The following RIMS1 variants were observed in gnomAD, a reference collection of about 807,000 sequenced individuals.
RIMS1 encodes the protein regulating synaptic membrane exocytosis protein 1.
Under a neutral mutation model 214.1 loss-of-function variants are expected in RIMS1, and 83 were observed. That is an observed-to-expected ratio of 0.39 (90% confidence interval 0.32 to 0.47). The LOEUF is 0.47. Among genes scored for constraint, RIMS1 ranks in the 20% least tolerant of loss-of-function variants. The probability of loss-of-function intolerance (pLI) is 0.99; values close to 1 mark genes in which losing one functional copy is unlikely to be tolerated. For missense variants in RIMS1, 2,050 were observed against 2,161.8 expected (o/e 0.95, Z 1.03); for synonymous variants, 793 against 786.8 (o/e 1.01, Z -0.13).
At chr6:72,390,428 A>G (rs1033045580) in intron 29 of RIMS1, among the ~76,000 whole-genome samples, 170 bp from the exon 30 acceptor site, 19 of 152,236 alleles carry the variant, frequency 1.2e-4, no homozygotes, top group African/African-American at 4.1e-4. Flanking sequence ...TTAGCCAAGC[A>G]TACTTTGGCA....
At chr6:72,226,847 A>G (rs2060345566) in intron 6 of RIMS1, among the ~76,000 whole-genome samples, 1 of 152,076 alleles carries the variant, frequency 6.6e-6, no homozygotes, top group South Asian at 2.1e-4. Context: ...CTCTAACACC[A>G]CGATTTCATA....
intron 1 of RIMS1, among the ~76,000 whole-genome samples, chr6:71,938,656 G>A (rs1164327293): frequency 1.3e-5 from 2 of 152,136 alleles, no homozygotes; most frequent in African/African-American, 4.8e-5. Flanking sequence ...GCTCTGGGGA[G>A]TGAACATGGT....
At chr6:72,305,665 T>C (rs2154279960) in intron 26 of RIMS1, among the ~76,000 whole-genome samples, 1 of 152,262 alleles carries the variant, frequency 6.6e-6, no homozygotes, top group East Asian at 1.9e-4. Flanking sequence ...CATTTTACTG[T>C]ATAATACTCC....
chr6:71,961,255 T>C (rs892640162), intron 1 of RIMS1, among the ~76,000 whole-genome samples: 12 of 152,256 alleles, frequency 7.9e-5, no homozygotes, highest in African/African-American at 2.9e-4. Context: ...AGGTGACATT[T>C]TGAGAAATAA....
At chr6:72,260,929 C>T (rs1009583996) in intron 19 of RIMS1, 162 bp downstream of exon 19, 1 of 1,469,802 alleles carries the variant, frequency 6.8e-7, no homozygotes, top group Non-Finnish European at 9.0e-7. Context: ...GGAAAAGGTT[C>T]CAAATATATT....
At chr6:72,290,629 GT>G (rs1563634425) in intron 24 of RIMS1, 49 bp from the exon 25 acceptor site, 2 of 1,539,412 alleles carry the variant, frequency 1.3e-6, no homozygotes, top group Non-Finnish European at 1.8e-6. Context: ...TGGTATCAAA[GT>G]TAATGTGAAC....
chr6:72,045,331 T>TA (rs912876131), intron 2 of RIMS1, among the ~76,000 whole-genome samples: 2 of 151,830 alleles, frequency 1.3e-5, no homozygotes, highest in African/African-American at 4.8e-5. Context: ...TCACCTGACA[T>TA]AAAAAATAAA....
intron 2 of RIMS1, among the ~76,000 whole-genome samples, chr6:72,076,227 A>G (rs1278254042): frequency 6.6e-6 from 1 of 152,230 alleles, no homozygotes; most frequent in Non-Finnish European, 1.5e-5. Context: ...CAATATTATT[A>G]TCCCCATTTT....
intron 28 of RIMS1, 50 bp from the exon 29 acceptor site, chr6:72,333,550 G>C: frequency 7.4e-7 from 1 of 1,345,834 alleles, no homozygotes; most frequent in East Asian, 2.5e-5. Context: ...TTTCAGTGAT[G>C]CTGACCTGTA....
At chr6:72,033,771 C>T (rs780691672) in intron 2 of RIMS1, among the ~76,000 whole-genome samples, 7 of 152,084 alleles carry the variant, frequency 4.6e-5, no homozygotes, top group African/African-American at 1.7e-4. Flanking sequence ...TGTGAGCTAC[C>T]GTGCCCGGCC....
chr6:72,090,181 T>A (rs999486476), intron 2 of RIMS1, among the ~76,000 whole-genome samples: 6 of 152,060 alleles, frequency 3.9e-5, no homozygotes, highest in African/African-American at 9.7e-5. Context: ...AAAAAAAAAT[T>A]TTTTTTATAG....
chr6:72,394,165 A>T (rs953554645), intron 31 of RIMS1, among the ~76,000 whole-genome samples: 4 of 152,216 alleles, frequency 2.6e-5, no homozygotes, highest in Non-Finnish European at 5.9e-5. Context: ...AAATTGGGTC[A>T]TGTCAGACTT....
chr6:72,154,356 A>G (rs1363201342), intron 4 of RIMS1, among the ~76,000 whole-genome samples: 1 of 140,820 alleles, frequency 7.1e-6, no homozygotes, highest in East Asian at 2.0e-4. Flanking sequence ...AGTTATGCCT[A>G]GGACATATGA....
intron 2 of RIMS1, among the ~76,000 whole-genome samples, chr6:72,005,980 A>G (rs1001380257): frequency 2.0e-5 from 3 of 152,136 alleles, no homozygotes; most frequent in Non-Finnish European, 4.4e-5. Flanking sequence ...ACAGAAATTT[A>G]TTTTTCACAG....
intron 4 of RIMS1, among the ~76,000 whole-genome samples, chr6:72,132,858 T>C (rs1020429568): frequency 2.0e-5 from 3 of 152,210 alleles, no homozygotes; most frequent in African/African-American, 7.2e-5. Flanking sequence ...TCACCTTTCT[T>C]GTCTGAAAAA....
At position 71,886,822 on chromosome 6, in the gene RIMS1, T is replaced by G. The variant is rs1582801891; in HGVS notation, c.-202T>G. The G allele has an allele frequency of 4.8e-6, 3 of 619,080 alleles. No individual in the cohort carries two copies. In the South Asian group the frequency reaches 5.9e-5, roughly 12 times the overall value. The allele number at this position is 619,080 out of a possible 1,614,324, so 38.3% of individuals were successfully genotyped here. ...AACAAAGGCAGCATCCGGGGCTGGG[T>G]GGATGCAAACAACCATGAAAGACTG... On this transcript the variant is annotated 5_prime_UTR_variant, in exon 1 of 34. Coordinates refer to ENST00000521978, the MANE Select transcript of RIMS1 (RefSeq NM_014989.7).
At chr6:72,039,272 A>G (rs577658356) in intron 2 of RIMS1, among the ~76,000 whole-genome samples, 1 of 152,264 alleles carries the variant, frequency 6.6e-6, no homozygotes, top group East Asian at 1.9e-4. Context: ...AAATATAGAA[A>G]CCAATTTAAT....
intron 2 of RIMS1, among the ~76,000 whole-genome samples, chr6:72,035,690 T>C (rs1819432271): frequency 6.6e-6 from 1 of 152,190 alleles, no homozygotes; most frequent in Non-Finnish European, 1.5e-5. Context: ...CTTAGTGACT[T>C]CCCAAGAGGC....
At chr6:72,201,644 T>G (rs1004470249) in intron 6 of RIMS1, among the ~76,000 whole-genome samples, 1 of 152,214 alleles carries the variant, frequency 6.6e-6, no homozygotes, top group African/African-American at 2.4e-5. Flanking sequence ...CTTTATTATA[T>G]GCAGATGGAA....
Sources: gnomAD v4.1 joint callset for allele counts (sites outside exome capture counted in the v4.1 genomes callset) on GRCh38, gnomAD v4.1.1 for gene constraint, MANE v1.5 for transcripts, NCBI Gene and HGNC (gene_info 2026-07-23, HGNC 2026-07-21) for gene names.